Variants in SMIM22 observed in about 807,000 individuals in gnomAD.
The protein encoded by SMIM22 is small integral membrane protein 22, also known as cancer associated small integral membrane open reading frame 1.
A neutral mutation model predicts 8.4 loss-of-function variants in SMIM22; 16 were observed. The ratio of observed to expected loss-of-function variants is 1.90; its 90% CI spans 1.29 to 2.89. The LOEUF (loss-of-function observed/expected upper bound fraction) is 2.89. SMIM22 is among the 30% of genes most tolerant of loss of function. The pLI, the probability that SMIM22 is intolerant of heterozygous loss-of-function variation, is 0.00. For missense variants in SMIM22, 159 were observed against 107.5 expected, an observed-to-expected ratio of 1.48 and a Z score of -2.12; for synonymous variants, 67 against 47.6, an observed-to-expected ratio of 1.41 and a Z score of -1.68.
At chr16:4,794,863 A>G (rs1450929346), upstream of SMIM22, 2 of 152,276 alleles carry the variant, frequency 1.3e-5, no homozygotes, top group Non-Finnish European at 2.9e-5. Flanking sequence ...CAGGCCAAAT[A>G]TATTAAGTAT....
Position 4,795,787 on chromosome 16 carries a change from G to C in SMIM22, c.53G>C (p.Arg18Thr). 2.0e-6 allele frequency: 3 copies of C among 1,535,962 alleles called. No individual in the cohort carries two copies. The highest frequency in any genetic ancestry group is 1.2e-5 in the South Asian group (1 of 84,068). ...GCCACGGTTCAGGAAGTCCTGGGGA[G>C]ACTGAAGAGCCACCAGTTTTTCCAG... ...LEATVQEVLG[R>T]LKSHQFFQST... The change falls in exon 2 of 4, where the codon AGA becomes ACA. Residue 18 changes from arginine to threonine, a missense_variant. Coordinates refer to ENST00000586005, the MANE Select transcript of SMIM22 (RefSeq NM_001253794.2).
intron 1 of SMIM22, 56 bp from the exon 2 acceptor site, chr16:4,795,659 G>A (rs984448896): frequency 6.0e-5 from 90 of 1,503,426 alleles, no homozygotes; most frequent in Non-Finnish European, 7.6e-5. Context: ...GCCTGGATGT[G>A]GTCCCCGCTG....
chr16:4,788,925 C>G (rs2082503976), intron 2 of SMIM22, among the ~76,000 whole-genome samples: 1 of 152,178 alleles, frequency 6.6e-6, no homozygotes, highest in Non-Finnish European at 1.5e-5. Flanking sequence ...TAGAGGTTAT[C>G]ACCCTGACTT....
At chr16:4,792,897 G>A (rs2082574204), upstream of SMIM22, among the ~76,000 whole-genome samples, 1 of 150,528 alleles carries the variant, frequency 6.6e-6, no homozygotes, top group Non-Finnish European at 1.5e-5. Flanking sequence ...ATCACCTGAG[G>A]TCAGGAGTTT....
chr16:4,796,354 C>T lies in SMIM22; in HGVS notation c.*123C>T, dbSNP rs2082644943. On this transcript the variant is annotated 3_prime_UTR_variant, in exon 4 of 4. Coordinates refer to ENST00000586005, the MANE Select transcript of SMIM22 (RefSeq NM_001253794.2). ...GGACTCGCCGCCCCACTCAGGTGGC[C>T]ACCTGGCCTCTCCAAGCCTTCAGTC... is the stretch of plus-strand genomic sequence containing the variant. 2 of 1,148,246 alleles carry T rather than the reference C, an allele frequency of 1.7e-6. No individual in the cohort carries two copies. The highest frequency in any genetic ancestry group is 2.3e-5 in the Admixed American group (1 of 43,606). The allele number at this position is 1,148,246 out of a possible 1,614,324, so 71.1% of individuals were successfully genotyped here.
chr16:4,795,573 C>T (rs1214703508), intron 1 of SMIM22, 124 bp downstream of exon 1: 15 of 1,022,276 alleles, frequency 1.5e-5, no homozygotes, highest in East Asian at 2.7e-5. Flanking sequence ...GGCCTGGGGC[C>T]GAGGGAGAAG....
rs2141900571 is a variant in SMIM22, at chr16:4,795,961, CCTGCTGCTGCTGGTCGTCGCCCACTG to C, written c.149_174del (p.Leu50GlnfsTer25). ...TCCTGTCCCCAGGCACCGTGCTGCT[CCTGCTGCTGCTGGTCGTCGCCCACTG>C]CTGCTGCTGCAGCTCCCCCGGGCCC... On this transcript the variant is annotated frameshift_variant, in exon 3 of 4. Transcript: ENST00000586005. LOFTEE classifies it high-confidence loss of function. 2 of 1,507,608 alleles carry C rather than the reference CCTGCTGCTGCTGGTCGTCGCCCACTG, an allele frequency of 1.3e-6. No homozygotes were observed. The highest frequency in any genetic ancestry group is 2.1e-5 in the Admixed American group (1 of 48,256). The allele number at this position is 1,507,608 out of a possible 1,614,324, so 93.4% of individuals were successfully genotyped here.
upstream of SMIM22, among the ~76,000 whole-genome samples, chr16:4,793,807 T>G (rs1280178406): frequency 6.6e-6 from 1 of 152,246 alleles, no homozygotes; most frequent in Non-Finnish European, 1.5e-5. Context: ...GATGGAGTCT[T>G]GCTCTGTCAC....
At chr16:4,792,340 G>A (rs576450236), upstream of SMIM22, among the ~76,000 whole-genome samples, 28 of 151,430 alleles carry the variant, frequency 1.8e-4, no homozygotes, top group East Asian at 3.0e-3. Flanking sequence ...ACAGGTGCCC[G>A]CCACCACGCC....
Position 4,796,192 on chromosome 16 carries a change from A to T in SMIM22, c.228A>T (p.Glu76Asp). 1 of 1,536,046 alleles carries T rather than the reference A, an allele frequency of 6.5e-7. No individual in the cohort carries two copies. Among genetic ancestry groups the T allele is most frequent in the East Asian group, 2.4e-5 (1 of 40,912 alleles). The change falls in exon 4 of 4, where the codon GAA becomes GAT. Residue 76 changes from glutamate (E) to aspartate (D), a missense_variant and splice_region_variant. By Grantham distance (45) the Glu-to-Asp change is conservative (BLOSUM62 2). Coordinates refer to ENST00000586005, the MANE Select transcript of SMIM22 (RefSeq NM_001253794.2). Reference sequence around the variant, plus strand: ...GTCCCGCTGTGCTTCTCGTGCAGGAAAGACCCAAGGGAGTGGATAACTTGG... The same window carrying T: ...GTCCCGCTGTGCTTCTCGTGCAGGATAGACCCAAGGGAGTGGATAACTTGG... ...ESPRKVSPWK[E>D]RPKGVDNLAL... is the part of the protein sequence containing the mutation.
upstream of SMIM22, among the ~76,000 whole-genome samples, chr16:4,792,530 G>A (rs996209326): frequency 3.3e-5 from 5 of 149,518 alleles, no homozygotes; most frequent in African/African-American, 9.8e-5. Context: ...TGCTGGGCGC[G>A]GTGGATCATG....
At chr16:4,791,655 T>C (rs1027361893), upstream of SMIM22, among the ~76,000 whole-genome samples, 1 of 152,162 alleles carries the variant, frequency 6.6e-6, no homozygotes, top group African/African-American at 2.4e-5. Flanking sequence ...CCTGTTACTG[T>C]CCTGCCTGGG....
chr16:4,793,691 T>A (rs149812894), upstream of SMIM22, among the ~76,000 whole-genome samples: 1 of 152,240 alleles, frequency 6.6e-6, no homozygotes, highest in Non-Finnish European at 1.5e-5. Context: ...CACATCTCTA[T>A]TGGACATGTA....
At chr16:4,793,109 CAA>C (rs3085033), upstream of SMIM22, among the ~76,000 whole-genome samples, 13 of 67,496 alleles carry the variant, frequency 1.9e-4, no homozygotes, top group African/African-American at 1.6e-4. Context: ...AACTCTGTCT[CAA>C]AAAAAAAAAA....
upstream of SMIM22, among the ~76,000 whole-genome samples, chr16:4,792,673 A>T (rs541042349): frequency 8.6e-5 from 13 of 150,748 alleles, no homozygotes; most frequent in African/African-American, 2.9e-4. Flanking sequence ...GTGGTGGTGC[A>T]CGCTTGAAAT....
Position 4,795,774 on chromosome 16 carries a change from G to A in SMIM22, c.40G>A (p.Glu14Lys). 2 of 1,535,970 alleles carry A rather than the reference G, an allele frequency of 1.3e-6. No individual in the cohort carries two copies. The highest frequency in any genetic ancestry group is 2.4e-5 in the South Asian group (2 of 84,062). ...AGAGGAGCTGGAGGCCACGGTTCAG[G>A]AAGTCCTGGGGAGACTGAAGAGCCA... ...STEELEATVQ[E>K]VLGRLKSHQF... The change falls in exon 2 of 4, where the codon GAA (glutamate) becomes AAA (lysine). Residue 14 changes from glutamate (E) to lysine (K), a missense_variant. By Grantham distance (56) the Glu-to-Lys change is moderately conservative. Transcript: ENST00000586005.
upstream of SMIM22, among the ~76,000 whole-genome samples, chr16:4,790,893 T>A (rs569009564): frequency 3.2e-4 from 48 of 152,362 alleles, no homozygotes; most frequent in Admixed American, 2.3e-3. Context: ...GGGCACAGCC[T>A]GTCCTGGACC....
At position 4,796,334 on chromosome 16, in the gene SMIM22, C is replaced by T. The variant is rs1009841782; in HGVS notation, c.*103C>T. ...CCGTCTGGGTGGGTGACGCGGGACT[C>T]GCCGCCCCACTCAGGTGGCCACCTG... On this transcript the variant is annotated 3_prime_UTR_variant, in exon 4 of 4. Coordinates refer to ENST00000586005, the MANE Select transcript of SMIM22 (RefSeq NM_001253794.2). 18 of 1,392,314 alleles carry T rather than the reference C, an allele frequency of 1.3e-5. No homozygotes were observed. The highest frequency in any genetic ancestry group is 7.5e-5 in the East Asian group (3 of 39,998). The allele number at this position is 1,392,314 out of a possible 1,614,324, so 86.2% of individuals were successfully genotyped here.
chr16:4,795,549 A>C, intron 1 of SMIM22, 100 bp downstream of exon 1: 1 of 802,546 alleles, frequency 1.2e-6, no homozygotes, highest in Non-Finnish European at 1.9e-6. Flanking sequence ...AGGGCTGGGC[A>C]AGGAGAGAAG....
Sources: allele counts gnomAD v4.1 joint callset (sites outside exome capture counted in the v4.1 genomes callset), GRCh38; gene constraint gnomAD v4.1.1; transcripts MANE v1.5; gene names NCBI Gene and HGNC (gene_info 2026-07-23, HGNC 2026-07-21).